The following IRAK3 variants were observed in gnomAD, a reference collection of about 807,000 sequenced individuals.
IRAK3 encodes the protein interleukin-1 receptor-associated kinase 3.
A neutral mutation model predicts 56.6 loss-of-function variants in IRAK3; 57 were observed. The ratio of observed to expected loss-of-function variants is 1.01; its 90% CI spans 0.81 to 1.26. The LOEUF (loss-of-function observed/expected upper bound fraction) is 1.26, where lower values mean the gene tolerates loss of function less well. IRAK3 is among the 50% of genes most tolerant of loss of function. The pLI, the probability that IRAK3 is intolerant of heterozygous loss-of-function variation, is 0.00. For missense variants in IRAK3, 703 were observed against 719.0 expected (o/e 0.98, Z 0.25); for synonymous variants, 258 against 255.7 (o/e 1.01, Z -0.09).
In IRAK3 at chr12:66,241,711, T is replaced by C. The variant is rs2052971904; in HGVS notation, c.888-2775T>C. Reference sequence around the variant, plus strand: ...GAAAAACGACTTATCTTTTCACCGATTGTCATTATTCAAATTGTAAATTCA... The same window carrying C: ...GAAAAACGACTTATCTTTTCACCGACTGTCATTATTCAAATTGTAAATTCA... On this transcript the variant is annotated intron_variant, in intron 8 of 11. Transcript: ENST00000261233. 2.6e-5 allele frequency among the ~76,000 whole-genome samples: 4 copies of C among 152,354 alleles called. No homozygotes were observed. In the South Asian group the frequency reaches 8.3e-4, roughly 32 times the overall value.
At chr12:66,246,197 A>C (rs1009372499) in intron 11 of IRAK3, among the ~76,000 whole-genome samples, 1 of 152,120 alleles carries the variant, frequency 6.6e-6, no homozygotes, top group Non-Finnish European at 1.5e-5. Context: ...AACAGGTTGG[A>C]TTTAGGCAGC....
intron 1 of IRAK3, among the ~76,000 whole-genome samples, chr12:66,201,622 G>A (rs1391202371): frequency 2.0e-5 from 3 of 152,170 alleles, no homozygotes; most frequent in Non-Finnish European, 4.4e-5. Context: ...TGTGCAGAAA[G>A]GCAATATAAA....
rs953510799 is a variant in IRAK3, at chr12:66,253,034, G to A, written c.*4863G>A. On this transcript the variant is annotated 3_prime_UTR_variant, in exon 12 of 12. Coordinates refer to ENST00000261233, the MANE Select transcript of IRAK3 (RefSeq NM_007199.3). The stretch of plus-strand genomic sequence containing the variant: ...AAACTGCAGGTTCCCTGAGGGAAAG[G>A]TCTATGTCCTGCTCATTTTTGGATC... 2.6e-5 allele frequency: 4 copies of A among 152,148 alleles called. No individual in the cohort carries two copies. Among genetic ancestry groups the A allele is most frequent in the Non-Finnish European group, 5.9e-5 (4 of 68,030 alleles). 9.4% of individuals were successfully genotyped at this position (152,148 alleles called of 1,614,324 possible).
Position 66,221,921 on chromosome 12 carries a change from C to T in IRAK3, c.653+4686C>T, listed in dbSNP as rs11465966. Among the ~76,000 whole-genome samples the T allele has an allele frequency of 6.2e-3, 947 of 152,166 alleles. 9 individuals carry two copies. The highest frequency in any genetic ancestry group is 0.016 in the Admixed American group (251 of 15,292). ...GTGCACGCTTGCAATCCCAGCTATT[C>T]AGGAAGCTGAGGCACAAGAATTGCT... On this transcript the variant is annotated intron_variant, in intron 6 of 11. Transcript: ENST00000261233.
chr12:66,226,747 G>T lies in IRAK3; in HGVS notation c.678G>T (p.Glu226Asp), dbSNP rs771278112. ...GGTTTCATCACCCAAACATACTAGA[G>T]TTGGCTGCATATTTTACAGAGACTG... The part of the protein sequence containing the change: ...LLLFHHPNIL[E>D]LAAYFTETEK... The change falls in exon 7 of 12, where the codon GAG (glutamate) becomes GAT (aspartate). Residue 226 changes from glutamate to aspartate, a missense_variant. Glu to Asp is a conservative substitution (Grantham distance 45). Transcript: ENST00000261233. The T allele has an allele frequency of 1.9e-6, 3 of 1,607,380 alleles. No individual in the cohort carries two copies. In the South Asian group the frequency reaches 3.3e-5, roughly 18 times the overall value.
intron 8 of IRAK3, among the ~76,000 whole-genome samples, chr12:66,231,557 C>G (rs923940698): frequency 6.6e-6 from 1 of 152,090 alleles, no homozygotes; most frequent in African/African-American, 2.4e-5. Context: ...GGTAACTATG[C>G]CCACTGAGTG....
At chr12:66,200,336 T>C (rs1168757) in intron 1 of IRAK3, among the ~76,000 whole-genome samples, 34,190 of 152,076 alleles carry the variant, frequency 0.22, 6,852 homozygotes, top group African/African-American at 0.53. Context: ...GCAAACTCTC[T>C]TCCATGTAGT....
At chr12:66,244,864 T>C in intron 9 of IRAK3, 84 bp from the exon 10 acceptor site, 2 of 1,140,110 alleles carry the variant, frequency 1.8e-6, no homozygotes, top group South Asian at 2.5e-5. Flanking sequence ...GAATGAACTA[T>C]ATTCATAGTC....
intron 8 of IRAK3, among the ~76,000 whole-genome samples, chr12:66,232,306 T>A (rs563596068): frequency 6.6e-6 from 1 of 152,330 alleles, no homozygotes; most frequent in South Asian, 2.1e-4. Context: ...GGCATTTGTT[T>A]GAGAACTGTG....
At chr12:66,209,408 A>G (rs752051079) in intron 2 of IRAK3, 48 bp from the exon 3 acceptor site, 1 of 1,049,468 alleles carries the variant, frequency 9.5e-7, no homozygotes, top group East Asian at 2.4e-5. Context: ...GAAAAACATT[A>G]GGGACATAAA....
intron 1 of IRAK3, chr12:66,198,226 A>G (rs763101758): frequency 2.0e-5 from 8 of 409,228 alleles, no homozygotes; most frequent in Non-Finnish European, 2.6e-5. Context: ...GCTAACACTC[A>G]GGGCCTCTGT....
chr12:66,208,546 AG>A (rs2136922786), intron 2 of IRAK3, among the ~76,000 whole-genome samples: 1 of 152,068 alleles, frequency 6.6e-6, no homozygotes, highest in East Asian at 1.9e-4. Context: ...AGATCACTTG[AG>A]CTCAGGAGTT....
chr12:66,213,347 G>A (rs1039832113), intron 5 of IRAK3, among the ~76,000 whole-genome samples: 1 of 152,134 alleles, frequency 6.6e-6, no homozygotes, highest in Admixed American at 6.5e-5. Flanking sequence ...TTTGGGTGGG[G>A]ACACAGCAAA....
At chr12:66,199,137 G>A (rs192291667) in intron 1 of IRAK3, among the ~76,000 whole-genome samples, 13 of 152,270 alleles carry the variant, frequency 8.5e-5, no homozygotes, top group Admixed American at 2.6e-4. Context: ...TCTCTTGTTG[G>A]AATGTTCATT....
chr12:66,210,352 G>C lies in IRAK3; in HGVS notation c.436+151G>C. On this transcript the variant is annotated intron_variant, in intron 4 of 11. Transcript: ENST00000261233. ...ATAGATATTAAAATAACTTCAATTT[G>C]ATTGACACTTATAGTTCTAATAGAT... is the stretch of plus-strand genomic sequence containing the variant. The C allele has an allele frequency of 4.8e-6, 3 of 621,136 alleles. No homozygotes were observed. The South Asian group carries it at 5.9e-5, about 12-fold the overall frequency. The allele number at this position is 621,136 out of a possible 1,614,324, so 38.5% of individuals were successfully genotyped here.
chr12:66,205,138 C>T (rs922633187), intron 2 of IRAK3, among the ~76,000 whole-genome samples: 3 of 152,160 alleles, frequency 2.0e-5, no homozygotes, highest in Admixed American at 1.3e-4. Context: ...TACAAACTTA[C>T]GCCACTTTAA....
intron 5 of IRAK3, among the ~76,000 whole-genome samples, chr12:66,215,718 G>T (rs1359422773): frequency 2.6e-5 from 4 of 151,446 alleles, no homozygotes; most frequent in Non-Finnish European, 4.4e-5. Context: ...CTCTTAAGGT[G>T]GTAAATGAAA....
chr12:66,243,967 A>G (rs547215475), intron 8 of IRAK3, among the ~76,000 whole-genome samples: 1 of 152,346 alleles, frequency 6.6e-6, no homozygotes, highest in East Asian at 1.9e-4. Flanking sequence ...ATAAGACTCA[A>G]AGACCAAAAA....
rs773108503 is a variant in IRAK3 at position 66,247,723 on chromosome 12, C to T, written c.1343C>T (p.Ala448Val). 6.2e-7 allele frequency: 1 copy of T among 1,613,546 alleles called. No individual in the cohort carries two copies. The highest frequency in any genetic ancestry group is 1.3e-5 in the African/African-American group (1 of 74,916). Residue 448 changes from alanine (A) to valine (V), a missense_variant, in exon 12 of 12, where the codon GCC (alanine) becomes GTC (valine). Transcript: ENST00000261233. ...TTAAATACTCTTGAAAGTACTCAAG[C>T]CAGCTTGTATTTTGCTGAAGATCCT... ...EVLNTLESTQASLYFAEDPPT... is the reference protein window; with the variant it reads ...EVLNTLESTQVSLYFAEDPPT...
Sources: allele counts gnomAD v4.1 joint callset (sites outside exome capture counted in the v4.1 genomes callset), GRCh38; gene constraint gnomAD v4.1.1; transcripts MANE v1.5; gene names NCBI Gene and HGNC (gene_info 2026-07-23, HGNC 2026-07-21).